The following PIP4K2A variants were observed in gnomAD, a reference collection of about 807,000 sequenced individuals.
PIP4K2A encodes phosphatidylinositol-5-phosphate 4-kinase type 2 alpha.
Under a neutral mutation model 42.9 loss-of-function variants are expected in PIP4K2A, and 14 were observed. The ratio of observed to expected loss-of-function variants is 0.33; its 90% CI spans 0.22 to 0.51. The LOEUF (loss-of-function observed/expected upper bound fraction) is 0.51, where lower values mean the gene tolerates loss of function less well. PIP4K2A is among the 20% of genes least tolerant of loss of function. The pLI, the probability that PIP4K2A is intolerant of heterozygous loss-of-function variation, is 0.97. For synonymous variants in PIP4K2A, 192 were observed against 192.2 expected, an observed-to-expected ratio of 1.00 and a Z score of 0.01; for missense variants, 434 against 519.8, an observed-to-expected ratio of 0.83 and a Z score of 1.61.
intron 1 of PIP4K2A, among the ~76,000 whole-genome samples, chr10:22,674,160 G>T (rs767236594): frequency 6.6e-6 from 1 of 152,072 alleles, no homozygotes; most frequent in African/African-American, 2.4e-5. Context: ...TTTAGCCACA[G>T]GGACACAAAC....
chr10:22,629,794 T>C (rs1427580660), intron 1 of PIP4K2A, among the ~76,000 whole-genome samples: 1 of 152,228 alleles, frequency 6.6e-6, no homozygotes, highest in Non-Finnish European at 1.5e-5. Flanking sequence ...GTAGTTTTTG[T>C]TTTTATTAGC....
intron 1 of PIP4K2A, among the ~76,000 whole-genome samples, chr10:22,620,195 G>A (rs1213625627): frequency 6.6e-6 from 1 of 152,154 alleles, no homozygotes; most frequent in Non-Finnish European, 1.5e-5. Context: ...CTTGCCGGCT[G>A]GCCCACTGTC....
intron 1 of PIP4K2A, among the ~76,000 whole-genome samples, chr10:22,662,797 C>G (rs890166660): frequency 6.6e-6 from 1 of 152,108 alleles, no homozygotes; most frequent in Admixed American, 6.5e-5. Context: ...GTGAGGACAC[C>G]CAAAGACTAT....
At chr10:22,584,868 A>T (rs1380120590) in intron 4 of PIP4K2A, among the ~76,000 whole-genome samples, 1 of 152,196 alleles carries the variant, frequency 6.6e-6, no homozygotes, top group Admixed American at 6.5e-5. Context: ...ACTCCTCCGG[A>T]AAAATGAACA....
chr10:22,672,849 A>C (rs1031409680), intron 1 of PIP4K2A, among the ~76,000 whole-genome samples: 3 of 152,238 alleles, frequency 2.0e-5, no homozygotes, highest in Non-Finnish European at 4.4e-5. Context: ...CGTCCTAAAA[A>C]GGTGAGCAGC....
intron 1 of PIP4K2A, among the ~76,000 whole-genome samples, chr10:22,615,132 T>A (rs78711842): frequency 1.3e-5 from 2 of 151,938 alleles, no homozygotes; most frequent in East Asian, 1.9e-4. Context: ...ATTTTTTTTT[T>A]AAAAGATAGG....
At chr10:22,680,662 CATA>C (rs1839641755) in intron 1 of PIP4K2A, among the ~76,000 whole-genome samples, 1 of 152,188 alleles carries the variant, frequency 6.6e-6, no homozygotes, top group South Asian at 2.1e-4. Flanking sequence ...TTTATTGGCT[CATA>C]ATGACATGGG....
chr10:22,598,263 T>C (rs1270455566), intron 3 of PIP4K2A, among the ~76,000 whole-genome samples: 2 of 151,876 alleles, frequency 1.3e-5, no homozygotes, highest in Non-Finnish European at 2.9e-5. Flanking sequence ...AAGGCTGAGG[T>C]TGGAGGATCA....
chr10:22,700,462 C>T (rs186860133), intron 1 of PIP4K2A, among the ~76,000 whole-genome samples: 7 of 152,278 alleles, frequency 4.6e-5, no homozygotes, highest in African/African-American at 9.6e-5. Context: ...TGCTTGGGAA[C>T]GTGACATGAG....
At chr10:22,686,631 G>A (rs901185847) in intron 1 of PIP4K2A, among the ~76,000 whole-genome samples, 2 of 152,054 alleles carry the variant, frequency 1.3e-5, no homozygotes, top group Non-Finnish European at 2.9e-5. Context: ...CAACTAATTA[G>A]TTAAAAAAAT....
intron 1 of PIP4K2A, among the ~76,000 whole-genome samples, chr10:22,645,549 T>TAAAA (rs71395807): frequency 1.6e-5 from 2 of 126,926 alleles, no homozygotes; most frequent in African/African-American, 6.0e-5. Flanking sequence ...TCTATTTCTT[T>TAAAA]AAAAAAAAAA....
At chr10:22,687,880 G>A (rs1236851445) in intron 1 of PIP4K2A, among the ~76,000 whole-genome samples, 2 of 152,188 alleles carry the variant, frequency 1.3e-5, no homozygotes, top group Middle Eastern at 3.4e-3. Context: ...CTGCAAATGC[G>A]GAACATGCAG....
intron 1 of PIP4K2A, among the ~76,000 whole-genome samples, chr10:22,699,458 G>A (rs1245164858): frequency 6.6e-6 from 1 of 151,900 alleles, no homozygotes; most frequent in African/African-American, 2.4e-5. Flanking sequence ...CTGCTGAGTA[G>A]CGCAGGGAGA....
intron 3 of PIP4K2A, among the ~76,000 whole-genome samples, chr10:22,594,195 G>A (rs1837573506): frequency 6.6e-6 from 1 of 152,184 alleles, no homozygotes; most frequent in Admixed American, 6.5e-5. Flanking sequence ...CTGGCATGCA[G>A]CACGTAAAGT....
intron 1 of PIP4K2A, among the ~76,000 whole-genome samples, chr10:22,620,443 C>T (rs1838299746): frequency 3.9e-5 from 6 of 152,214 alleles, no homozygotes; most frequent in Admixed American, 3.9e-4. Context: ...CCTGGTCAGC[C>T]ACGTCACCAC....
rs71394001 is a variant in PIP4K2A, at chr10:22,561,565, G to GTTTTTTTTTTTTTTTTTTT, written c.678+6267_678+6285dup. ...TATGTCACCAGAGATTCTCTACGCA[G>GTTTTTTTTTTTTTTTTTTT]TTTTTTTTTTTTTTTTTTTTTTTTT... On this transcript the variant is annotated intron_variant, in intron 6 of 9. Transcript: ENST00000376573. Among the ~76,000 whole-genome samples the GTTTTTTTTTTTTTTTTTTT allele has an allele frequency of 1.4e-4, 16 of 113,500 alleles. 8 individuals carry two copies. Among genetic ancestry groups the GTTTTTTTTTTTTTTTTTTT allele is most frequent in the Non-Finnish European group, 1.7e-4 (10 of 57,628 alleles). 74.5% of individuals were successfully genotyped at this position (113,500 alleles called of 152,430 possible).
rs371897011 is a variant in PIP4K2A, at chr10:22,591,765, C to A, written c.356G>T (p.Ser119Ile). 6.2e-7 allele frequency: 1 copy of A among 1,611,128 alleles called. No homozygotes were observed. The change falls in exon 4 of 10, where the codon AGC (serine) becomes ATC (isoleucine). Residue 119 changes from serine to isoleucine, a missense_variant. Physicochemically the swap from Ser to Ile is moderately radical, Grantham distance 142 (BLOSUM62 -2). This residue lies in a region of PIP4K2A where 395 missense variants were observed against 444.5 expected (regional missense o/e 0.89). Transcript: ENST00000376573. ...DQDFQNSLTRSAPLPNDSQAR... is the reference protein window; with the variant it reads ...DQDFQNSLTRIAPLPNDSQAR... ...CTGGGAGTCGTTGGGGAGGGGTGCG[C>A]TCCTGGTCAGGGAATTCTTCCCGGG...
At chr10:22,561,396 T>C (rs895992908) in intron 6 of PIP4K2A, among the ~76,000 whole-genome samples, 2 of 152,144 alleles carry the variant, frequency 1.3e-5, no homozygotes, top group Admixed American at 6.5e-5. Flanking sequence ...GAAATGGGAC[T>C]TGTCTGCACC....
chr10:22,556,233 G>A (rs887447268), intron 6 of PIP4K2A, among the ~76,000 whole-genome samples: 4 of 152,028 alleles, frequency 2.6e-5, no homozygotes, highest in South Asian at 4.1e-4. Flanking sequence ...AGGATGCATC[G>A]AAGGTGACAT....
Sources: gnomAD v4.1 joint callset for allele counts (sites outside exome capture counted in the v4.1 genomes callset) on GRCh38, gnomAD v4.1.1 for gene constraint, gnomAD v4.1.1 regional missense constraint, MANE v1.5 for transcripts, NCBI Gene and HGNC (gene_info 2026-07-23, HGNC 2026-07-21) for gene names.